PITPNM3: variants seen among roughly 807,000 people sequenced by gnomAD.
PITPNM3 encodes the protein membrane-associated phosphatidylinositol transfer protein 3.
A neutral mutation model predicts 102.0 loss-of-function variants in PITPNM3; 26 were observed. That is an observed-to-expected ratio of 0.25 (90% confidence interval 0.19 to 0.35). PITPNM3 has a LOEUF of 0.35. Ranked by LOEUF, PITPNM3 falls within the 10% of genes least tolerant of loss-of-function variation. PITPNM3 has a pLI of 1.00. For missense variants in PITPNM3, 1,083 were observed against 1,346.1 expected (o/e 0.80, Z 3.06); for synonymous variants, 578 against 558.6 (o/e 1.03, Z -0.49).
At chr17:6,511,924 G>A (rs958690949) in intron 3 of PITPNM3, among the ~76,000 whole-genome samples, 5 of 152,134 alleles carry the variant, frequency 3.3e-5, no homozygotes, top group Admixed American at 6.5e-5. Context: ...CAGCCTGGGC[G>A]ACAGAGCGAG....
At chr17:6,540,036 C>T (rs911738048) in intron 1 of PITPNM3, among the ~76,000 whole-genome samples, 4 of 152,298 alleles carry the variant, frequency 2.6e-5, no homozygotes, top group South Asian at 2.1e-4. Context: ...TAGATCCATC[C>T]GAGAACAAAG....
intron 3 of PITPNM3, among the ~76,000 whole-genome samples, chr17:6,522,979 G>A (rs1908623769): frequency 6.6e-6 from 1 of 152,134 alleles, no homozygotes; most frequent in African/African-American, 2.4e-5. Context: ...ATGAATGTGT[G>A]TGTTCTGTCA....
chr17:6,462,224 TTTA>T lies in PITPNM3; in HGVS notation c.2307-671_2307-669del, dbSNP rs375471247. On this transcript the variant is annotated intron_variant, in intron 17 of 19. Coordinates refer to ENST00000262483, the MANE Select transcript of PITPNM3 (RefSeq NM_031220.4). The stretch of plus-strand genomic sequence containing the variant: ...AGGTGGTATGCTTGGTGTGGCTGGC[TTTA>T]TTATTATCCTCCGCAGTGTTTCCAT... Among the ~76,000 whole-genome samples, 257 of 152,300 alleles carry T rather than the reference TTTA, an allele frequency of 1.7e-3. 1 individual carries two copies. Among genetic ancestry groups the T allele is most frequent in the African/African-American group, 5.6e-3 (233 of 41,558 alleles).
chr17:6,468,085 T>C lies in PITPNM3; in HGVS notation c.1890+140A>G. 1.2e-6 allele frequency: 1 copy of C among 825,156 alleles called. No homozygotes were observed. Among genetic ancestry groups the C allele is most frequent in the Non-Finnish European group, 2.0e-6 (1 of 492,496 alleles). 51.1% of individuals were successfully genotyped at this position (825,156 alleles called of 1,614,324 possible). On this transcript the variant is annotated intron_variant, in intron 14 of 19. Coordinates refer to ENST00000262483, the MANE Select transcript of PITPNM3 (RefSeq NM_031220.4). This position sits in a 1 kb window ranked among gnomAD's most constrained non-coding sequence, Gnocchi z 5.2. ...GCAGTGCCTGGGCTCCATCTGAGTG[T>C]GAGCCCCAGCCTGTTTGGGTGCTGA... is the stretch of plus-strand genomic sequence containing the variant.
Position 6,495,849 on chromosome 17 carries a change from C to T in PITPNM3, c.274+7678G>A, listed in dbSNP as rs534060678. Among the ~76,000 whole-genome samples the T allele has an allele frequency of 7.9e-5, 12 of 152,272 alleles. No homozygotes were observed. The South Asian group carries it at 2.1e-3, about 26-fold the overall frequency. ...GCTTACAGAAAAACAAAGGAAAGGG[C>T]GATTCTTCCACGTGGAAGTAAGTAG... On this transcript the variant is annotated intron_variant, in intron 4 of 19. Transcript: ENST00000262483.
intron 2 of PITPNM3, 88 bp from the exon 3 acceptor site, chr17:6,525,551 C>A: frequency 1.0e-6 from 1 of 962,128 alleles, no homozygotes. Context: ...GACATTTTCT[C>A]TTGTCCTATT....
intron 16 of PITPNM3, 88 bp downstream of exon 16, chr17:6,464,082 C>T: frequency 6.3e-7 from 1 of 1,597,380 alleles, no homozygotes; most frequent in South Asian, 1.1e-5. Context: ...CCACAAAGAA[C>T]CCCAAGGACC....
At chr17:6,502,256 T>C (rs1907227114) in intron 4 of PITPNM3, among the ~76,000 whole-genome samples, 1 of 152,174 alleles carries the variant, frequency 6.6e-6, no homozygotes, top group African/African-American at 2.4e-5. Flanking sequence ...TCAAGAGTAG[T>C]AGCCCGGCCA....
In PITPNM3 at chr17:6,472,386, G is replaced by A. The variant is rs1369077211; in HGVS notation, c.1429+271C>T. Among the ~76,000 whole-genome samples, 4 of 152,116 alleles carry A rather than the reference G, an allele frequency of 2.6e-5. No individual in the cohort carries two copies. The highest frequency in any genetic ancestry group is 2.0e-4 in the Admixed American group (3 of 15,282). ...GATTGGAGCACGGATCCCTGGACCC[G>A]CCATCAGCTCTGAAAGCTCAAGTTT... On this transcript the variant is annotated intron_variant, in intron 11 of 19. Coordinates refer to ENST00000262483, the MANE Select transcript of PITPNM3 (RefSeq NM_031220.4). This position sits in a 1 kb window ranked among gnomAD's most constrained non-coding sequence, Gnocchi z 4.1.
At chr17:6,471,455 G>T in intron 11 of PITPNM3, 100 bp from the exon 12 acceptor site, 1 of 1,217,714 alleles carries the variant, frequency 8.2e-7, no homozygotes, top group East Asian at 2.6e-5. Flanking sequence ...GGCACTTGGA[G>T]GAGTCAGCCC....
chr17:6,525,325 C>T, intron 3 of PITPNM3, 31 bp downstream of exon 3: 1 of 1,595,442 alleles, frequency 6.3e-7, no homozygotes, highest in Non-Finnish European at 8.6e-7. Context: ...CCTATGTGCA[C>T]ATCCTGGTCA....
chr17:6,523,375 C>T (rs1216836775), intron 3 of PITPNM3, among the ~76,000 whole-genome samples: 1 of 152,176 alleles, frequency 6.6e-6, no homozygotes, highest in African/African-American at 2.4e-5. Context: ...ACCACACAGC[C>T]ATGGAGTGGC....
chr17:6,499,964 C>G (rs1259725795), intron 4 of PITPNM3, among the ~76,000 whole-genome samples: 1 of 152,220 alleles, frequency 6.6e-6, no homozygotes. Flanking sequence ...CTCCTGAGCT[C>G]AGGCAATCTG....
intron 1 of PITPNM3, among the ~76,000 whole-genome samples, chr17:6,552,960 C>CG (rs1555563272): frequency 6.6e-6 from 1 of 151,904 alleles, no homozygotes; most frequent in Non-Finnish European, 1.5e-5. Flanking sequence ...TTAGTAGAGA[C>CG]GGGGTTTCAC....
intron 1 of PITPNM3, among the ~76,000 whole-genome samples, chr17:6,543,345 G>A (rs1189173841): frequency 6.6e-6 from 1 of 152,210 alleles, no homozygotes; most frequent in Non-Finnish European, 1.5e-5. Context: ...CATAGGACTA[G>A]GTGGACAGAG....
Position 6,454,548 on chromosome 17 carries a change from G to GAA in PITPNM3, c.*789_*790insTT, listed in dbSNP as rs1163950528. On this transcript the variant is annotated 3_prime_UTR_variant, in exon 20 of 20. Transcript: ENST00000262483. ...TAACAGAAGGAAGACGGAGCCCAGA[G>GAA]AGGGCAAGCAACCAGCTCAGGGGCT... 1.3e-5 allele frequency: 2 copies of GAA among 152,360 alleles called. No homozygotes were observed. Among genetic ancestry groups the GAA allele is most frequent in the African/African-American group, 4.8e-5 (2 of 41,464 alleles). The allele number at this position is 152,360 out of a possible 1,614,324, so 9.4% of individuals were successfully genotyped here. A position where few individuals can be genotyped will look rare whatever the true frequency, so the allele number is the denominator to read the frequency against.
In PITPNM3 at chr17:6,477,195, C is replaced by T; in HGVS notation, c.919G>A (p.Glu307Lys). 1.9e-6 allele frequency: 3 copies of T among 1,614,134 alleles called. No individual in the cohort carries two copies. Among genetic ancestry groups the T allele is most frequent in the Non-Finnish European group, 2.5e-6 (3 of 1,180,012 alleles). Residue 307 changes from glutamate (E) to lysine (K), a missense_variant, in exon 9 of 20, where the codon GAG (glutamate) becomes AAG (lysine). Coordinates refer to ENST00000262483, the MANE Select transcript of PITPNM3 (RefSeq NM_031220.4). ...CTGCTGGCCAGGCTGCAATCTTCCT[C>T]CACCGCGACTGGGGTGTCCTTTGGG... The part of the protein sequence containing the change: ...SSTQDTPVAV[E>K]EDCSLASSKR...
At chr17:6,521,820 A>G (rs1908541682) in intron 3 of PITPNM3, among the ~76,000 whole-genome samples, 1 of 152,178 alleles carries the variant, frequency 6.6e-6, no homozygotes, top group Non-Finnish European at 1.5e-5. Context: ...GAGCCTAAAA[A>G]CCACACTGTG....
At chr17:6,531,016 C>T (rs182357004) in intron 2 of PITPNM3, among the ~76,000 whole-genome samples, 22 of 152,264 alleles carry the variant, frequency 1.4e-4, no homozygotes, top group Admixed American at 9.2e-4. Context: ...GGCCAAGAAT[C>T]GAGATCCTGC....
Sources: allele counts gnomAD v4.1 joint callset (sites outside exome capture counted in the v4.1 genomes callset), GRCh38; gene constraint gnomAD v4.1.1; non-coding constraint Gnocchi (gnomAD v3.1); transcripts MANE v1.5; gene names NCBI Gene and HGNC (gene_info 2026-07-23, HGNC 2026-07-21).